Variants in NEBL observed in about 807,000 individuals in gnomAD.
NEBL encodes nebulette, also known as LIM and SH3 protein 2.
Under a neutral mutation model 140.2 loss-of-function variants are expected in NEBL, and 122 were observed. The observed-to-expected ratio is 0.87, with a 90% CI of 0.75 to 1.01. NEBL has a LOEUF of 1.01. Ranked by LOEUF, NEBL falls within the 50% of genes least tolerant of loss-of-function variation. NEBL has a pLI of 0.00. For synonymous variants in NEBL, 436 were observed against 398.9 expected, an observed-to-expected ratio of 1.09 and a Z score of -1.11; for missense variants, 1,365 against 1,231.3, an observed-to-expected ratio of 1.11 and a Z score of -1.62.
intron 4 of NEBL, among the ~76,000 whole-genome samples, chr10:20,954,274 G>C (rs1202546344): frequency 6.6e-6 from 1 of 152,136 alleles, no homozygotes; most frequent in African/African-American, 2.4e-5. Context: ...ACAAGGCCAG[G>C]AGATTCACTC....
At chr10:21,148,332 A>G (rs891199252) in intron 2 of NEBL, among the ~76,000 whole-genome samples, 1 of 152,208 alleles carries the variant, frequency 6.6e-6, no homozygotes, top group African/African-American at 2.4e-5. Context: ...GACTGAAACA[A>G]TAAGTATCTC....
intron 9 of NEBL, among the ~76,000 whole-genome samples, chr10:20,857,175 C>A (rs1843160171): frequency 6.6e-6 from 1 of 152,014 alleles, no homozygotes; most frequent in Non-Finnish European, 1.5e-5. Flanking sequence ...ATGCATAATA[C>A]CATTAAGGAA....
chr10:21,015,325 C>T (rs1838512111), intron 3 of NEBL, among the ~76,000 whole-genome samples: 1 of 152,096 alleles, frequency 6.6e-6, no homozygotes, highest in African/African-American at 2.4e-5. Context: ...GTAGGGGCTC[C>T]CACTCAAAAT....
upstream of NEBL, among the ~76,000 whole-genome samples, chr10:21,176,301 A>ATTTTATAATTTCT (rs1841299763): frequency 6.6e-6 from 1 of 152,158 alleles, no homozygotes. Context: ...CCACACCCAG[A>ATTTTATAATTTCT]TACATTTTAT....
chr10:21,056,773 T>C (rs1835042174), intron 2 of NEBL, among the ~76,000 whole-genome samples: 1 of 151,876 alleles, frequency 6.6e-6, no homozygotes, highest in African/African-American at 2.4e-5. Context: ...AGAAAGCAAA[T>C]CACAAAATCG....
chr10:20,819,935 T>C (rs1465835126), intron 19 of NEBL, among the ~76,000 whole-genome samples: 2 of 152,116 alleles, frequency 1.3e-5, no homozygotes, highest in African/African-American at 2.4e-5. Context: ...TTCCTTCAGA[T>C]TATATTATTT....
intron 2 of NEBL, among the ~76,000 whole-genome samples, chr10:21,027,364 G>C (rs757560439): frequency 2.0e-4 from 29 of 147,746 alleles, no homozygotes; most frequent in Non-Finnish European, 3.3e-4. Context: ...GTCTCACTCT[G>C]TCACCTAGGC....
intron 2 of NEBL, chr10:21,069,928 G>C: frequency 2.2e-6 from 1 of 446,302 alleles, no homozygotes; most frequent in South Asian, 1.6e-5. Flanking sequence ...CGCAAGTCAT[G>C]TAAATATCCC....
chr10:21,029,181 T>A (rs1333536615), intron 2 of NEBL: 38 of 1,372,794 alleles, frequency 2.8e-5, no homozygotes, highest in Non-Finnish European at 3.7e-5. Flanking sequence ...ATGATAACAA[T>A]GTGTATAGGG....
intron 12 of NEBL, among the ~76,000 whole-genome samples, chr10:20,843,944 C>T (rs1401952581): frequency 2.6e-5 from 4 of 152,086 alleles, no homozygotes; most frequent in Non-Finnish European, 4.4e-5. Flanking sequence ...TATCGATTAA[C>T]CAACCTCTCC....
rs767555913 is a variant in NEBL, at chr10:20,897,157, T to G, written c.49A>C (p.Lys17Gln). ...EDIKDETEEE[K>Q]IGEEENEEDQ... ...TCTTCATTTTCTTCTTCCCCTATCTTTTCTTCTTCAGTTTCATCTTTTATA... is the reference window on the plus strand; with the variant it reads ...TCTTCATTTTCTTCTTCCCCTATCTGTTCTTCTTCAGTTTCATCTTTTATA... Residue 17 changes from lysine to glutamine, a missense_variant, in exon 1 of 28, where the codon AAG becomes CAG. Coordinates refer to ENST00000377122, the MANE Select transcript of NEBL (RefSeq NM_006393.3). The G allele has an allele frequency of 3.7e-6, 6 of 1,606,810 alleles. No homozygotes were observed. In the Admixed American group the frequency reaches 1.0e-4, roughly 27 times the overall value.
At chr10:21,277,260 G>C (rs2132294719) in intron 1 of NEBL, among the ~76,000 whole-genome samples, 1 of 148,640 alleles carries the variant, frequency 6.7e-6, no homozygotes, top group Middle Eastern at 3.5e-3. Context: ...CCAGGCTGGA[G>C]TGCAGTGGCA....
intron 1 of NEBL, among the ~76,000 whole-genome samples, chr10:21,268,278 G>T (rs1189745925): frequency 6.6e-6 from 1 of 152,106 alleles, no homozygotes; most frequent in Non-Finnish European, 1.5e-5. Context: ...AGACCAGCCT[G>T]CACAATAAAG....
rs200846852 is a variant in NEBL, at chr10:21,206,869, A to G, written n.349-34392T>C. On this transcript the variant is annotated intron_variant and non_coding_transcript_variant, in intron 3 of 8. Coordinates refer to the NEBL transcript ENST00000675702. The stretch of plus-strand genomic sequence containing the variant: ...TGTTTCACTGGAATTCAGGACCAGA[A>G]AAAAACATAACTAAGTAATTCTTAA... 3.3e-5 allele frequency among the ~76,000 whole-genome samples: 5 copies of G among 152,208 alleles called. No homozygotes were observed. The East Asian group carries it at 9.6e-4, about 29-fold the overall frequency.
chr10:20,853,407 T>C (rs1842733552), intron 9 of NEBL, among the ~76,000 whole-genome samples: 1 of 152,136 alleles, frequency 6.6e-6, no homozygotes, highest in South Asian at 2.1e-4. Context: ...ATTAGCAACC[T>C]AAGTGTCCAT....
At chr10:21,141,744 A>T (rs1839640250) in intron 2 of NEBL, among the ~76,000 whole-genome samples, 1 of 152,216 alleles carries the variant, frequency 6.6e-6, no homozygotes, top group South Asian at 2.1e-4. Flanking sequence ...AAAATCTCAG[A>T]GTGTGTTATC....
intron 2 of NEBL, among the ~76,000 whole-genome samples, chr10:21,064,397 G>A (rs1012909835): frequency 6.6e-6 from 1 of 151,960 alleles, no homozygotes; most frequent in East Asian, 1.9e-4. Flanking sequence ...AATCCAGGTT[G>A]ACAACCACAA....
chr10:21,211,403 C>T (rs995535217), intron 3 of NEBL, among the ~76,000 whole-genome samples: 1 of 152,108 alleles, frequency 6.6e-6, no homozygotes, highest in Non-Finnish European at 1.5e-5. Context: ...ATCGCTTGAA[C>T]TTGGGAGGTG....
At chr10:21,139,386 G>C (rs1839507813) in intron 2 of NEBL, among the ~76,000 whole-genome samples, 1 of 152,070 alleles carries the variant, frequency 6.6e-6, no homozygotes, top group African/African-American at 2.4e-5. Context: ...AAGCAGGAGG[G>C]GAAATCGGTT....
Sources: allele counts gnomAD v4.1 joint callset (sites outside exome capture counted in the v4.1 genomes callset), GRCh38; gene constraint gnomAD v4.1.1; transcripts MANE v1.5; gene names NCBI Gene and HGNC (gene_info 2026-07-23, HGNC 2026-07-21).